SV2C: variants seen among roughly 807,000 people sequenced by gnomAD.
SV2C encodes solute carrier family 22 member B3.
Under a neutral mutation model 79.7 loss-of-function variants are expected in SV2C, and 49 were observed. The observed-to-expected ratio is 0.61, with a 90% CI of 0.49 to 0.78. The LOEUF (loss-of-function observed/expected upper bound fraction) is 0.78, where lower values mean the gene tolerates loss of function less well. SV2C is among the 30% of genes least tolerant of loss of function. The pLI, the probability that SV2C is intolerant of heterozygous loss-of-function variation, is 0.00. For synonymous variants in SV2C, 334 were observed against 333.2 expected (o/e 1.00, Z -0.03); for missense variants, 833 against 912.9 (o/e 0.91, Z 1.13).
At chr5:76,001,020 A>C in the SV2C span, among the ~76,000 whole-genome samples, 1 of 151,998 alleles carries the variant, frequency 6.6e-6, no homozygotes, top group Admixed American at 6.6e-5. Context: ...AAAAAAAAAA[A>C]AACTAACACC....
chr5:75,878,622 G>C, the SV2C span, among the ~76,000 whole-genome samples: 1 of 151,946 alleles, frequency 6.6e-6, no homozygotes, highest in African/African-American at 2.4e-5. Flanking sequence ...GCTGTTTTAT[G>C]TATACTGTTA....
At chr5:76,274,305 C>A (rs1746958072) in intron 4 of SV2C, among the ~76,000 whole-genome samples, 1 of 152,138 alleles carries the variant, frequency 6.6e-6, no homozygotes, top group South Asian at 2.1e-4. Flanking sequence ...AAGTGAAAAT[C>A]TTCAGAATGG....
chr5:76,203,751 C>G (rs1744524505), intron 3 of SV2C, among the ~76,000 whole-genome samples: 1 of 152,176 alleles, frequency 6.6e-6, no homozygotes, highest in Admixed American at 6.5e-5. Context: ...ATTTTCTACT[C>G]ATTATTCTAT....
chr5:76,004,962 G>A, the SV2C span, among the ~76,000 whole-genome samples: 1 of 152,142 alleles, frequency 6.6e-6, no homozygotes, highest in Non-Finnish European at 1.5e-5. Flanking sequence ...CAGAGGGCCT[G>A]AGGAGTGAGC....
the SV2C span, among the ~76,000 whole-genome samples, chr5:76,030,574 T>A: frequency 2.6e-5 from 4 of 152,036 alleles, no homozygotes; most frequent in African/African-American, 9.7e-5. Context: ...AAAGATGTGT[T>A]CATGATATGT....
At chr5:76,353,124 T>C (rs1749673638) in intron 12 of SV2C, 1 of 455,660 alleles carries the variant, frequency 2.2e-6, no homozygotes, top group Non-Finnish European at 4.4e-6. Context: ...AATTTTTTTT[T>C]TGTAGACGCA....
the SV2C span, among the ~76,000 whole-genome samples, chr5:75,889,749 C>G: frequency 1.3e-5 from 2 of 152,100 alleles, no homozygotes; most frequent in African/African-American, 4.8e-5. Flanking sequence ...GCACTTCATA[C>G]ACATCCACTG....
chr5:76,239,347 G>A (rs981179009), intron 4 of SV2C, among the ~76,000 whole-genome samples: 5 of 152,182 alleles, frequency 3.3e-5, no homozygotes, highest in African/African-American at 1.2e-4. Flanking sequence ...GGAGATAGCA[G>A]AGCAAATAAA....
chr5:75,881,732 G>A, the SV2C span, among the ~76,000 whole-genome samples: 11 of 151,922 alleles, frequency 7.2e-5, no homozygotes, highest in East Asian at 5.8e-4. Context: ...ATACAATCAT[G>A]TCATCTGCAA....
chr5:75,884,166 G>C, the SV2C span, among the ~76,000 whole-genome samples: 2 of 152,126 alleles, frequency 1.3e-5, no homozygotes, highest in Non-Finnish European at 2.9e-5. Flanking sequence ...CATGCTCCCT[G>C]GGTGTGAGCA....
At chr5:75,900,389 G>C in the SV2C span, among the ~76,000 whole-genome samples, 35 of 152,098 alleles carry the variant, frequency 2.3e-4, no homozygotes, top group Non-Finnish European at 4.3e-4. Context: ...TTGAATATTG[G>C]CCCCCACTGT....
the SV2C span, among the ~76,000 whole-genome samples, chr5:75,849,827 C>A: frequency 2.6e-5 from 4 of 152,062 alleles, no homozygotes; most frequent in Admixed American, 2.0e-4. Context: ...ACAGACTTGA[C>A]CTTGGAATAA....
chr5:76,229,487 G>A (rs1376815044), intron 4 of SV2C, among the ~76,000 whole-genome samples: 1 of 152,222 alleles, frequency 6.6e-6, no homozygotes. Context: ...AGTGGGGTTA[G>A]TTACTAGGAG....
chr5:76,210,866 C>A (rs988404076), intron 4 of SV2C, among the ~76,000 whole-genome samples: 34 of 152,206 alleles, frequency 2.2e-4, no homozygotes, highest in Non-Finnish European at 4.3e-4. Context: ...TGACGACGAA[C>A]ACATATGTTT....
the SV2C span, chr5:75,911,376 A>G: frequency 8.3e-7 from 1 of 1,204,310 alleles, no homozygotes; most frequent in Non-Finnish European, 1.2e-6. Flanking sequence ...CTGAACAACC[A>G]AAGAAGAGAA....
chr5:76,201,971 G>A (rs1009114637), intron 3 of SV2C, among the ~76,000 whole-genome samples: 6 of 142,952 alleles, frequency 4.2e-5, no homozygotes, highest in East Asian at 4.3e-4. Flanking sequence ...AGCTGAGCTC[G>A]CGCCACTGCA....
chr5:75,866,604 A>G, the SV2C span, among the ~76,000 whole-genome samples: 1 of 152,242 alleles, frequency 6.6e-6, no homozygotes, highest in Non-Finnish European at 1.5e-5. Flanking sequence ...TTCCTAGTGA[A>G]GACAAAACAC....
intron 1 of SV2C, 131 bp from the exon 2 acceptor site, chr5:76,131,514 CAAAAA>C (rs35999597): frequency 3.9e-4 from 61 of 157,100 alleles, no homozygotes; most frequent in Middle Eastern, 1.8e-3. Context: ...ACAGTGAGAT[CAAAAA>C]AAAAAAAAAA....
At chr5:76,034,917 C>CA in the SV2C span, among the ~76,000 whole-genome samples, 1 of 152,162 alleles carries the variant, frequency 6.6e-6, no homozygotes, top group Non-Finnish European at 1.5e-5. Context: ...ATTATTGCCA[C>CA]ACTTTCAGCT....
Sources: allele counts gnomAD v4.1 joint callset (sites outside exome capture counted in the v4.1 genomes callset), GRCh38; gene constraint gnomAD v4.1.1; transcripts MANE v1.5; gene names NCBI Gene and HGNC (gene_info 2026-07-23, HGNC 2026-07-21).